Variants in PCDH15 observed in about 807,000 individuals in gnomAD.
The protein encoded by PCDH15 is protocadherin-15.
PCDH15 carries 129 observed loss-of-function variants against 178.5 expected under a neutral mutation model. That is an observed-to-expected ratio of 0.72 (90% CI 0.63 to 0.84). The LOEUF is 0.84. Among genes scored for constraint, PCDH15 ranks in the 40% least tolerant of loss-of-function variants. The probability of loss-of-function intolerance (pLI) is 0.00; values close to 1 mark genes in which losing one functional copy is unlikely to be tolerated. For missense variants in PCDH15, 2,230 were observed against 2,099.9 expected, an observed-to-expected ratio of 1.06 and a Z score of -1.21; for synonymous variants, 800 against 732.0, an observed-to-expected ratio of 1.09 and a Z score of -1.50.
chr10:54,590,620 T>C (rs1462556553), intron 2 of PCDH15, among the ~76,000 whole-genome samples: 2 of 152,148 alleles, frequency 1.3e-5, no homozygotes, highest in African/African-American at 2.4e-5. Context: ...AGCACAACAC[T>C]AGATGCTGTG....
At chr10:54,365,106 G>A (rs913589972) in intron 5 of PCDH15, among the ~76,000 whole-genome samples, 3 of 152,020 alleles carry the variant, frequency 2.0e-5, no homozygotes, top group Admixed American at 6.6e-5. Context: ...GCCTACCAGA[G>A]TAATCCAGGA....
At chr10:55,248,593 CAG>C (rs1177952127) in intron 1 of PCDH15, among the ~76,000 whole-genome samples, 2 of 151,822 alleles carry the variant, frequency 1.3e-5, no homozygotes, top group African/African-American at 4.8e-5. Context: ...TTTTTTGAGA[CAG>C]AGTCTTACTC....
intron 2 of PCDH15, among the ~76,000 whole-genome samples, chr10:54,979,502 C>G (rs1839164231): frequency 6.6e-6 from 1 of 151,940 alleles, no homozygotes; most frequent in Non-Finnish European, 1.5e-5. Flanking sequence ...AGCCCCATCT[C>G]TTCTAAATAT....
intron 29 of PCDH15, 21 bp from the exon 30 acceptor site, chr10:53,831,554 T>A (rs772908001): frequency 2.7e-6 from 4 of 1,496,636 alleles, no homozygotes; most frequent in Non-Finnish European, 3.7e-6. Context: ...AGATAAATAG[T>A]AAAATTAATG....
At chr10:54,171,648 G>A (rs946747416) in intron 13 of PCDH15, among the ~76,000 whole-genome samples, 2 of 151,948 alleles carry the variant, frequency 1.3e-5, no homozygotes, top group Admixed American at 6.6e-5. Context: ...CTTAACTCTT[G>A]AAGTAAATAA....
chr10:54,462,597 C>T (rs1457827862), intron 3 of PCDH15, among the ~76,000 whole-genome samples: 1 of 134,104 alleles, frequency 7.5e-6, no homozygotes, highest in African/African-American at 2.8e-5. Flanking sequence ...TCACTGCAAA[C>T]TCTGCCTCCC....
chr10:54,080,679 G>T (rs892647296), intron 16 of PCDH15, among the ~76,000 whole-genome samples: 1 of 152,130 alleles, frequency 6.6e-6, no homozygotes, highest in African/African-American at 2.4e-5. Context: ...TGTTGTAATG[G>T]TTGACGTGGA....
intron 26 of PCDH15, among the ~76,000 whole-genome samples, chr10:53,891,799 A>T (rs1232770635): frequency 4.0e-5 from 6 of 151,034 alleles, no homozygotes; most frequent in African/African-American, 9.7e-5. Context: ...CTAAAAATAA[A>T]AAAAAAAAAA....
chr10:54,506,965 A>T (rs998712811), intron 3 of PCDH15, among the ~76,000 whole-genome samples: 4 of 152,008 alleles, frequency 2.6e-5, no homozygotes, highest in Admixed American at 2.0e-4. Context: ...GATTCAAAAA[A>T]ATAATAATAT....
At chr10:54,005,269 A>G (rs2092344348) in intron 20 of PCDH15, among the ~76,000 whole-genome samples, 1 of 152,252 alleles carries the variant, frequency 6.6e-6, no homozygotes, top group South Asian at 2.1e-4. Flanking sequence ...TTCTTGAGTA[A>G]TACCTCACAA....
intron 2 of PCDH15, among the ~76,000 whole-genome samples, chr10:55,381,134 A>G (rs113935958): frequency 0.01 from 1,588 of 152,268 alleles, 28 homozygotes; most frequent in African/African-American, 0.036. Context: ...TCCTCCAGGC[A>G]GGAGCAGAAA....
intron 18 of PCDH15, among the ~76,000 whole-genome samples, chr10:54,028,978 C>T (rs975191868): frequency 6.6e-6 from 1 of 152,048 alleles, no homozygotes; most frequent in Admixed American, 6.6e-5. Flanking sequence ...CAGAAAGCTA[C>T]TCTAAAAATT....
At chr10:54,382,053 A>T (rs1339068573) in intron 3 of PCDH15, among the ~76,000 whole-genome samples, 1 of 152,154 alleles carries the variant, frequency 6.6e-6, no homozygotes, top group African/African-American at 2.4e-5. Flanking sequence ...AAATCAAAAC[A>T]ATCACAATCG....
chr10:54,680,727 C>A (rs537078973), intron 1 of PCDH15, among the ~76,000 whole-genome samples: 2 of 152,154 alleles, frequency 1.3e-5, no homozygotes, highest in African/African-American at 4.8e-5. Flanking sequence ...AGCTCTCTTG[C>A]CTGCTGCCAT....
intron 1 of PCDH15, among the ~76,000 whole-genome samples, chr10:54,700,259 A>G (rs572177208): frequency 5.3e-5 from 8 of 152,260 alleles, no homozygotes; most frequent in African/African-American, 1.7e-4. Context: ...ATCTGCCCAC[A>G]CAGATTAGAA....
chr10:54,737,967 C>G (rs140767744), intron 1 of PCDH15, among the ~76,000 whole-genome samples: 11 of 152,114 alleles, frequency 7.2e-5, no homozygotes, highest in Admixed American at 1.3e-4. Context: ...GTAGGAGTCA[C>G]TGAAAAGCTG....
intron 2 of PCDH15, among the ~76,000 whole-genome samples, chr10:55,333,604 A>G (rs7916810): frequency 0.2 from 30,560 of 151,908 alleles, 3,403 homozygotes; most frequent in African/African-American, 0.29. Context: ...TATTTAAAGA[A>G]TTCATATATT....
chr10:54,486,478 A>G (rs984112366), intron 3 of PCDH15, among the ~76,000 whole-genome samples: 1 of 152,056 alleles, frequency 6.6e-6, no homozygotes, highest in African/African-American at 2.4e-5. Flanking sequence ...AGTAATTTAC[A>G]TACAGTTATA....
At chr10:55,255,961 C>T (rs1841986022) in intron 1 of PCDH15, among the ~76,000 whole-genome samples, 2 of 152,034 alleles carry the variant, frequency 1.3e-5, no homozygotes, top group Non-Finnish European at 2.9e-5. Flanking sequence ...TAATTAGATC[C>T]CATTTGTCAA....
Sources: allele counts gnomAD v4.1 joint callset (sites outside exome capture counted in the v4.1 genomes callset), GRCh38; gene constraint gnomAD v4.1.1; transcripts MANE v1.5; gene names NCBI Gene and HGNC (gene_info 2026-07-23, HGNC 2026-07-21).